The following SCN8A variants were observed in gnomAD, a reference collection of about 807,000 sequenced individuals.
SCN8A encodes sodium voltage-gated channel alpha subunit 8.
SCN8A carries 30 observed loss-of-function variants against 184.1 expected under a neutral mutation model. The ratio of observed to expected loss-of-function variants is 0.16; its 90% CI spans 0.12 to 0.22. The LOEUF is 0.22. SCN8A is among the 10% of genes least tolerant of loss of function. The probability of loss-of-function intolerance (pLI) is 1.00; values close to 1 mark genes in which losing one functional copy is unlikely to be tolerated. For missense variants in SCN8A, 1,057 were observed against 2,498.9 expected, an observed-to-expected ratio of 0.42 and a Z score of 12.30; for synonymous variants, 852 against 907.0, an observed-to-expected ratio of 0.94 and a Z score of 1.09.
Position 51,762,530 on chromosome 12 carries a change from A to G in SCN8A, c.2398A>G (p.Met800Val), listed in dbSNP as rs779614976. 1 of 1,613,646 alleles carries G rather than the reference A, an allele frequency of 6.2e-7. No homozygotes were observed. The highest frequency in any genetic ancestry group is 1.1e-5 in the South Asian group (1 of 90,994). The change falls in exon 15 of 27, where the codon ATG (methionine) becomes GTG (valine). Residue 800 changes from methionine (M) to valine (V), a missense_variant. By Grantham distance (21) the Met-to-Val change is conservative. Coordinates refer to ENST00000627620, the MANE Select transcript of SCN8A (RefSeq NM_001330260.2). ...LVFTGIFTAE[M>V]FLKLIAMDPY... ...TTTCACTGGAATTTTCACAGCGGAA[A>G]TGTTCCTGAAGCTCATAGCCATGGA... is the stretch of plus-strand genomic sequence containing the variant.
chr12:51,696,688 TAGATG>T (rs990874901), intron 6 of SCN8A, among the ~76,000 whole-genome samples: 1 of 152,154 alleles, frequency 6.6e-6, no homozygotes, highest in Non-Finnish European at 1.5e-5. Context: ...CCATGTTCTG[TAGATG>T]AGAAAATGAG....
intron 2 of SCN8A, among the ~76,000 whole-genome samples, chr12:51,672,868 G>C (rs1941156990): frequency 6.6e-6 from 1 of 152,144 alleles, no homozygotes; most frequent in Admixed American, 6.5e-5. Flanking sequence ...TGAAACAGTT[G>C]TGGCTCCAGA....
At chr12:51,802,648 G>A (rs921019171) in intron 26 of SCN8A, among the ~76,000 whole-genome samples, 4 of 152,180 alleles carry the variant, frequency 2.6e-5, no homozygotes, top group African/African-American at 4.8e-5. Context: ...GAATCCCTGA[G>A]CTCATCCTTT....
intron 1 of SCN8A, among the ~76,000 whole-genome samples, chr12:51,651,684 A>G (rs1031981178): frequency 6.6e-6 from 1 of 152,258 alleles, no homozygotes; most frequent in Non-Finnish European, 1.5e-5. Context: ...TTATGAGAGT[A>G]CAATTCAAGA....
chr12:51,687,081 T>G lies in SCN8A; in HGVS notation c.486-10T>G. 1 of 1,613,218 alleles carries G rather than the reference T, an allele frequency of 6.2e-7. No homozygotes were observed. Among genetic ancestry groups the G allele is most frequent in the Non-Finnish European group, 8.5e-7 (1 of 1,179,376 alleles). On this transcript the variant is annotated splice_polypyrimidine_tract_variant and intron_variant, in intron 4 of 26. Coordinates refer to ENST00000627620, the MANE Select transcript of SCN8A (RefSeq NM_001330260.2). Reference sequence around the variant, plus strand: ...CAGAAATTACCTCAAGCTATTCATTTCTTTGACAGGTACACGTTCACAGGG... The same window carrying G: ...CAGAAATTACCTCAAGCTATTCATTGCTTTGACAGGTACACGTTCACAGGG...
At chr12:51,795,880 GAAA>G (rs59764704) in intron 26 of SCN8A, among the ~76,000 whole-genome samples, 1 of 124,138 alleles carries the variant, frequency 8.1e-6, no homozygotes, top group African/African-American at 2.9e-5. Context: ...CTCTATCTCT[GAAA>G]AAAAAAAAAA....
At chr12:51,794,337 G>C in intron 25 of SCN8A, 34 bp from the exon 26 acceptor site, 1 of 1,583,692 alleles carries the variant, frequency 6.3e-7, no homozygotes, top group Non-Finnish European at 8.6e-7. Context: ...AGGTTTTCAT[G>C]AATCTTTTAT....
At chr12:51,799,750 T>C (rs372674652) in intron 26 of SCN8A, among the ~76,000 whole-genome samples, 2 of 152,232 alleles carry the variant, frequency 1.3e-5, no homozygotes, top group South Asian at 2.1e-4. Flanking sequence ...GAGGAATGTG[T>C]TGCCCCCAAA....
At chr12:51,801,445 G>A (rs1008112608) in intron 26 of SCN8A, among the ~76,000 whole-genome samples, 2 of 152,122 alleles carry the variant, frequency 1.3e-5, no homozygotes, top group African/African-American at 4.8e-5. Context: ...TAGGTCTAAG[G>A]TGACTAATCC....
At chr12:51,705,326 A>T in intron 9 of SCN8A, 91 bp from the exon 10 acceptor site, 1 of 1,158,060 alleles carries the variant, frequency 8.6e-7, no homozygotes, top group Non-Finnish European at 1.3e-6. Flanking sequence ...AAATGCAAAT[A>T]GTGCCCTTAC....
rs1389055380 is a variant in SCN8A at position 51,806,697 on chromosome 12, G to A, written c.5211G>A (p.Gly1737=). 1 of 1,614,086 alleles carries A rather than the reference G, an allele frequency of 6.2e-7. No homozygotes were observed. The highest frequency in any genetic ancestry group is 8.5e-7 in the Non-Finnish European group (1 of 1,180,002). ...HPGSGFKGDC[G]NPSVGIFFFV... ...GGAGTGGCTTTAAGGGAGATTGTGGGAACCCCTCAGTGGGCATCTTCTTCT... is the reference window on the plus strand; with the variant it reads ...GGAGTGGCTTTAAGGGAGATTGTGGAAACCCCTCAGTGGGCATCTTCTTCT... The change falls in exon 27 of 27, where the codon GGG becomes GGA. Residue 1737 remains glycine (G), a synonymous_variant. Transcript: ENST00000627620. The surrounding 1 kb of genome is among the most constrained non-coding windows in gnomAD (Gnocchi z 8.7).
intron 2 of SCN8A, among the ~76,000 whole-genome samples, chr12:51,664,539 G>A (rs1285403048): frequency 6.6e-6 from 1 of 151,902 alleles, no homozygotes; most frequent in Non-Finnish European, 1.5e-5. Flanking sequence ...TTTAGTAAAT[G>A]TATTGTCCAA....
rs1938747924 is a variant in SCN8A at position 51,807,588 on chromosome 12, T to C, written c.*159T>C. 6.3e-6 allele frequency: 5 copies of C among 788,746 alleles called. No individual in the cohort carries two copies. Among genetic ancestry groups the C allele is most frequent in the East Asian group, 5.4e-5 (2 of 37,322 alleles). The allele number at this position is 788,746 out of a possible 1,614,324, so 48.9% of individuals were successfully genotyped here. On this transcript the variant is annotated 3_prime_UTR_variant, in exon 27 of 27. Coordinates refer to ENST00000627620, the MANE Select transcript of SCN8A (RefSeq NM_001330260.2). This position sits in a 1 kb window ranked among gnomAD's most constrained non-coding sequence, Gnocchi z 4.5. ...CTTACCACGTAACACAGCTGCATCT[T>C]GAGCAGTGACCTGCCAAGGGCAAAG...
intron 2 of SCN8A, among the ~76,000 whole-genome samples, chr12:51,680,912 G>T: frequency 6.6e-6 from 1 of 152,108 alleles, no homozygotes; most frequent in Non-Finnish European, 1.5e-5. Context: ...GCTGAAGCAG[G>T]AAAATTGCTT....
intron 11 of SCN8A, among the ~76,000 whole-genome samples, chr12:51,718,165 T>A (rs1016931765): frequency 6.6e-6 from 1 of 152,186 alleles, no homozygotes; most frequent in East Asian, 1.9e-4. Context: ...AGGAGCCCCA[T>A]AGCCCTTCCA....
Position 51,721,954 on chromosome 12 carries a change from A to G in SCN8A, c.1998+46A>G, listed in dbSNP as rs748004455. The G allele has an allele frequency of 1.7e-5, 27 of 1,599,114 alleles. 1 individual carries two copies. In the Admixed American group the frequency reaches 4.5e-4, roughly 27 times the overall value. ...TACCGATGACAGTGTAAGGAAGAAC[A>G]CAAATAGATCGAGGCTAGGCATGGC... On this transcript the variant is annotated intron_variant, in intron 12 of 26. Transcript: ENST00000627620.
chr12:51,766,288 C>T (rs1461243442), intron 16 of SCN8A: 5 of 531,210 alleles, frequency 9.4e-6, no homozygotes, highest in African/African-American at 5.7e-5. Context: ...AATTAAGTGA[C>T]TTTCCCAAAT....
At chr12:51,687,443 C>T (rs553577712) in intron 5 of SCN8A, among the ~76,000 whole-genome samples, 36 of 152,230 alleles carry the variant, frequency 2.4e-4, no homozygotes, top group African/African-American at 8.4e-4. Flanking sequence ...CAAGCAGAGG[C>T]TTTACAGCTG....
chr12:51,608,021 C>CTTTTTTTTTTTTTTT (rs749172465), intron 1 of SCN8A, among the ~76,000 whole-genome samples: 1 of 133,478 alleles, frequency 7.5e-6, no homozygotes, highest in Non-Finnish European at 1.6e-5. Context: ...TTTCTTTTTC[C>CTTTTTTTTTTTTTTT]TTTTTTTTTT....
Sources: allele counts gnomAD v4.1 joint callset (sites outside exome capture counted in the v4.1 genomes callset), GRCh38; gene constraint gnomAD v4.1.1; non-coding constraint Gnocchi (gnomAD v3.1); transcripts MANE v1.5; gene names NCBI Gene and HGNC (gene_info 2026-07-23, HGNC 2026-07-21).